The following PGAM2 variants were observed in gnomAD, a reference collection of about 807,000 sequenced individuals.
PGAM2 encodes the protein phosphoglycerate mutase 2.
A neutral mutation model predicts 22.5 loss-of-function variants in PGAM2; 23 were observed. The ratio of observed to expected loss-of-function variants is 1.02; its 90% CI spans 0.74 to 1.45. The LOEUF (loss-of-function observed/expected upper bound fraction) is 1.45. Among genes scored for constraint, PGAM2 ranks in the 40% most tolerant of loss-of-function variants. PGAM2 has a pLI of 0.00. For synonymous variants in PGAM2, 133 were observed against 138.6 expected, an observed-to-expected ratio of 0.96 and a Z score of 0.29; for missense variants, 349 against 356.2, an observed-to-expected ratio of 0.98 and a Z score of 0.16.
chr7:44,064,793 G>GGGCCCCCCCCCCCCCCCCCCC, intron 2 of PGAM2, 39 bp downstream of exon 2: 4 of 1,136,972 alleles, frequency 3.5e-6, no homozygotes, highest in Non-Finnish European at 2.6e-6. Context: ...TGGGGCTGCT[G>GGGCCCCCCCCCCCCCCCCCCC]CCCACCCACC....
At chr7:44,063,490 G>C (rs1458801278) in intron 2 of PGAM2, 1 of 182,160 alleles carries the variant, frequency 5.5e-6, no homozygotes, top group East Asian at 1.4e-4. Context: ...ATGTTGGTCA[G>C]GCTGGTCTCA....
intron 1 of PGAM2, 38 bp downstream of exon 1, chr7:44,065,078 G>A: frequency 1.2e-6 from 2 of 1,612,216 alleles, no homozygotes; most frequent in Non-Finnish European, 1.7e-6. Context: ...TCCCCACTCT[G>A]CAGCTTCCCA....
Position 44,065,218 on chromosome 7 carries a change from G to A in PGAM2, c.312C>T (p.Ala104=), listed in dbSNP as rs780071162. 11 of 1,613,890 alleles carry A rather than the reference G, an allele frequency of 6.8e-6. No individual in the cohort carries two copies. Among genetic ancestry groups the A allele is most frequent in the South Asian group, 3.3e-5 (3 of 91,090 alleles). The part of the protein sequence containing the change: ...GLTGLNKAET[A]AKHGEEQVKI... ...TCACCTGCTCCTCCCCGTGCTTGGCGGCCGTTTCTGCCTTGTTGAGGCCTG... is the reference window on the plus strand; with the variant it reads ...TCACCTGCTCCTCCCCGTGCTTGGCAGCCGTTTCTGCCTTGTTGAGGCCTG... The change falls in exon 1 of 3, where the codon GCC becomes GCT. Residue 104 remains alanine, a synonymous_variant. Coordinates refer to ENST00000297283, the MANE Select transcript of PGAM2 (RefSeq NM_000290.4).
At position 44,065,130 on chromosome 7, in the gene PGAM2, T is replaced by C. The variant is rs1430355287; in HGVS notation, c.400A>G (p.Asn134Asp). 1.9e-5 allele frequency: 31 copies of C among 1,613,814 alleles called. No individual in the cohort carries two copies. The highest frequency in any genetic ancestry group is 2.6e-5 in the Non-Finnish European group (31 of 1,180,010). ...PPMDEKHPYY[N>D]SISKERRYAG... ...AGGCAGCCCACCTTGCTAATGGAGT[T>C]GTAGTAGGGGTGCTTCTCGTCCATC... The change falls in exon 1 of 3, where the codon AAC becomes GAC. Residue 134 changes from asparagine (N) to aspartate (D), a missense_variant. Coordinates refer to ENST00000297283, the MANE Select transcript of PGAM2 (RefSeq NM_000290.4).
rs759827542 is a variant in PGAM2 at position 44,065,440 on chromosome 7, C to A, written c.90G>T (p.Leu30=). ...NRFCGWFDAE[L]SEKGTEEAKR... ...TGGCCTCCTCGGTCCCCTTTTCACT[C>A]AGCTCTGCATCGAACCAGCCACAGA... Residue 30 remains leucine, a synonymous_variant, in exon 1 of 3, where the codon CTG becomes CTT. Transcript: ENST00000297283. 6.2e-7 allele frequency: 1 copy of A among 1,614,126 alleles called. No individual in the cohort carries two copies. Among genetic ancestry groups the A allele is most frequent in the South Asian group, 1.1e-5 (1 of 91,080 alleles).
Position 44,064,934 on chromosome 7 carries a change from G to T in PGAM2, c.493C>A (p.Pro165Thr), listed in dbSNP as rs1484566307. 1.2e-6 allele frequency: 2 copies of T among 1,610,228 alleles called. No homozygotes were observed. Among genetic ancestry groups the T allele is most frequent in the Non-Finnish European group, 8.5e-7 (1 of 1,179,702 alleles). The part of the protein sequence containing the change: ...SLKDTIARAL[P>T]FWNEEIVPQI... Reference sequence around the variant, plus strand: ...GGAACAATCTCCTCGTTCCAGAAGGGCAGGGCCCGGGCAATGGTGTCCTTG... The same window carrying T: ...GGAACAATCTCCTCGTTCCAGAAGGTCAGGGCCCGGGCAATGGTGTCCTTG... Residue 165 changes from proline to threonine, a missense_variant, in exon 2 of 3, where the codon CCC becomes ACC. Physicochemically the swap from Pro to Thr is conservative, Grantham distance 38. Transcript: ENST00000297283.
chr7:44,064,153 C>G (rs1352059755), intron 2 of PGAM2: 1 of 153,860 alleles, frequency 6.5e-6, no homozygotes, highest in Admixed American at 6.5e-5. Context: ...AGGTGGGAGG[C>G]GGAGCGGAGG....
rs776037102 is a variant in PGAM2, at chr7:44,065,327, C to CAGA, written c.200_202dup (p.Leu67_Trp68insPhe). On this transcript the variant is annotated inframe_insertion, in exon 1 of 3. Coordinates refer to ENST00000297283, the MANE Select transcript of PGAM2 (RefSeq NM_000290.4). ...CTGGTCCGTGCCGTCCAGGATGGCC[C>CAGA]AGAGGGTGCGGATGGCCCGCTTCAG... 1 of 1,613,700 alleles carries CAGA rather than the reference C, an allele frequency of 6.2e-7. No homozygotes were observed. Among genetic ancestry groups the CAGA allele is most frequent in the Non-Finnish European group, 8.5e-7 (1 of 1,180,036 alleles).
rs147126221 is a variant in PGAM2, at chr7:44,065,415, T to G, written c.115A>C (p.Lys39Gln). Residue 39 changes from lysine (K) to glutamine (Q), a missense_variant, in exon 1 of 3, where the codon AAG becomes CAG. Lys to Gln is a moderately conservative substitution (Grantham distance 53). Transcript: ENST00000297283. The part of the protein sequence containing the change: ...ELSEKGTEEA[K>Q]RGAKAIKDAK... ...TCCTTGATGGCCTTGGCTCCCCGCT[T>G]GGCCTCCTCGGTCCCCTTTTCACTC... 1.4e-4 allele frequency: 221 copies of G among 1,614,060 alleles called. No homozygotes were observed. The highest frequency in any genetic ancestry group is 1.8e-4 in the Non-Finnish European group (208 of 1,180,054).
Position 44,064,877 on chromosome 7 carries a change from C to CA in PGAM2, c.549dup (p.Ala184CysfsTer36). On this transcript the variant is annotated frameshift_variant, in exon 2 of 3. Coordinates refer to ENST00000297283, the MANE Select transcript of PGAM2 (RefSeq NM_000290.4). LOFTEE classifies it high-confidence loss of function. The stretch of plus-strand genomic sequence containing the variant: ...CCCCGCAGGCTGTTCCCGTGGGCTG[C>CA]AATGAGCACTCGCTTGCCGGCCTTG... The CA allele has an allele frequency of 2.5e-6, 4 of 1,601,836 alleles. No homozygotes were observed. The highest frequency in any genetic ancestry group is 3.4e-6 in the Non-Finnish European group (4 of 1,174,370).
chr7:44,064,354 C>A, intron 2 of PGAM2: 1 of 212,614 alleles, frequency 4.7e-6, no homozygotes, highest in South Asian at 7.1e-5. Flanking sequence ...GAAGCTCATG[C>A]AGGGATTCTG....
At chr7:44,064,463 C>T in intron 2 of PGAM2, 1 of 331,400 alleles carries the variant, frequency 3.0e-6, no homozygotes, top group Non-Finnish European at 5.8e-6. Flanking sequence ...AAGGGAGAGG[C>T]CCAGAGATGG....
Position 44,065,504 on chromosome 7 carries a change from A to G in PGAM2, c.26T>C (p.Val9Ala), listed in dbSNP as rs1169770796. ...GTTCCATGTGCTCTCGCCGTGCCGG[A>G]CCATCACGAGGCGGTGAGTGGCCAT... is the stretch of plus-strand genomic sequence containing the variant. MATHRLVM[V>A]RHGESTWNQE... is the part of the protein sequence containing the mutation. Residue 9 changes from valine (V) to alanine (A), a missense_variant, in exon 1 of 3, where the codon GTC becomes GCC. Coordinates refer to ENST00000297283, the MANE Select transcript of PGAM2 (RefSeq NM_000290.4). 4 of 1,613,998 alleles carry G rather than the reference A, an allele frequency of 2.5e-6. No homozygotes were observed. Among genetic ancestry groups the G allele is most frequent in the Non-Finnish European group, 3.4e-6 (4 of 1,180,022 alleles).
In PGAM2 at chr7:44,064,882, A is replaced by G. The variant is rs749757183; in HGVS notation, c.545T>C (p.Leu182Pro). The G allele has an allele frequency of 5.9e-5, 94 of 1,603,708 alleles. 2 individuals are homozygous for G. The South Asian group carries it at 9.9e-4, about 17-fold the overall frequency. ...CAGGCTGTTCCCGTGGGCTGCAATG[A>G]GCACTCGCTTGCCGGCCTTGATCTG... ...VPQIKAGKRV[L>P]IAAHGNSLRG... is the part of the protein sequence containing the mutation. Residue 182 changes from leucine (L) to proline (P), a missense_variant, in exon 2 of 3, where the codon CTC becomes CCC. Leu to Pro is a moderately conservative substitution (Grantham distance 98). Transcript: ENST00000297283.
At chr7:44,065,050 A>G in intron 1 of PGAM2, 38 bp from the exon 2 acceptor site, 3 of 1,609,288 alleles carry the variant, frequency 1.9e-6, no homozygotes, top group Non-Finnish European at 2.5e-6. Flanking sequence ...CTCCCAAGCC[A>G]GTGGGCCCCC....
At chr7:44,064,809 C>T in intron 2 of PGAM2, 23 bp downstream of exon 2, 1 of 1,556,848 alleles carries the variant, frequency 6.4e-7, no homozygotes, top group Non-Finnish European at 8.7e-7. Flanking sequence ...CCACCCTGCC[C>T]AGGCTCCTGA....
chr7:44,062,930 C>G lies in PGAM2; in HGVS notation c.596G>C (p.Gly199Ala). The change falls in exon 3 of 3, where the codon GGG (glycine) becomes GCG (alanine). Residue 199 changes from glycine to alanine, a missense_variant and splice_region_variant. By Grantham distance (60) the Gly-to-Ala change is moderately conservative. Transcript: ENST00000297283. ...SLRGIVKHLEGMSDQAIMELN... is the reference protein window; with the variant it reads ...SLRGIVKHLEAMSDQAIMELN... Reference sequence around the variant, plus strand: ...CTCCATGATCGCCTGGTCTGACATCCCTATGCCGGAAGGAATAGGTGTCCT... The same window carrying G: ...CTCCATGATCGCCTGGTCTGACATCGCTATGCCGGAAGGAATAGGTGTCCT... The G allele has an allele frequency of 1.2e-6, 2 of 1,614,196 alleles. No individual in the cohort carries two copies. Among genetic ancestry groups the G allele is most frequent in the Non-Finnish European group, 1.7e-6 (2 of 1,180,016 alleles).
At position 44,065,452 on chromosome 7, in the gene PGAM2, G is replaced by A. The variant is rs764050202; in HGVS notation, c.78C>T (p.Phe26=). 6.8e-6 allele frequency: 11 copies of A among 1,613,834 alleles called. No homozygotes were observed. The highest frequency in any genetic ancestry group is 4.5e-5 in the East Asian group (2 of 44,898). Residue 26 remains phenylalanine, a synonymous_variant, in exon 1 of 3, where the codon TTC becomes TTT. Coordinates refer to ENST00000297283, the MANE Select transcript of PGAM2 (RefSeq NM_000290.4). ...TCCCCTTTTCACTCAGCTCTGCATCGAACCAGCCACAGAAACGGTTCTCCT... is the reference window on the plus strand; with the variant it reads ...TCCCCTTTTCACTCAGCTCTGCATCAAACCAGCCACAGAAACGGTTCTCCT... ...WNQENRFCGW[F]DAELSEKGTE...
At position 44,064,916 on chromosome 7, in the gene PGAM2, T is replaced by C. The variant is rs372452057; in HGVS notation, c.511A>G (p.Ile171Val). The C allele has an allele frequency of 8.3e-5, 134 of 1,609,044 alleles. No individual in the cohort carries two copies. The Admixed American group carries it at 2.2e-3, about 27-fold the overall frequency. Reference sequence around the variant, plus strand: ...TTGCCGGCCTTGATCTGGGGAACAATCTCCTCGTTCCAGAAGGGCAGGGCC... The same window carrying C: ...TTGCCGGCCTTGATCTGGGGAACAACCTCCTCGTTCCAGAAGGGCAGGGCC... Reference protein sequence around the residue: ...ARALPFWNEEIVPQIKAGKRV... With the variant: ...ARALPFWNEEVVPQIKAGKRV... The change falls in exon 2 of 3, where the codon ATT (isoleucine) becomes GTT (valine). Residue 171 changes from isoleucine to valine, a missense_variant. By Grantham distance (29) the Ile-to-Val change is conservative. Transcript: ENST00000297283.
Sources: allele counts gnomAD v4.1 joint callset, GRCh38; gene constraint gnomAD v4.1.1; transcripts MANE v1.5; gene names NCBI Gene and HGNC (gene_info 2026-07-23, HGNC 2026-07-21).